Variants in LRP2 observed in about 807,000 individuals in gnomAD.
LRP2 encodes low-density lipoprotein receptor-related protein 2.
A neutral mutation model predicts 531.0 loss-of-function variants in LRP2; 172 were observed. That is an observed-to-expected ratio of 0.32 (90% CI 0.29 to 0.37). LRP2 has a LOEUF of 0.37. Ranked by LOEUF, LRP2 falls within the 10% of genes least tolerant of loss-of-function variation. The pLI is 1.00. For synonymous variants in LRP2, 1,992 were observed against 2,027.6 expected (o/e 0.98, Z 0.47); for missense variants, 5,167 against 5,868.3 (o/e 0.88, Z 3.90).
intron 9 of LRP2, among the ~76,000 whole-genome samples, chr2:169,283,531 T>C (rs1024211165): frequency 2.0e-5 from 3 of 152,218 alleles, no homozygotes; most frequent in South Asian, 2.1e-4. Flanking sequence ...GAAAGTTCTA[T>C]TGGACAGCAC....
intron 1 of LRP2, among the ~76,000 whole-genome samples, chr2:169,347,216 G>C (rs1320129682): frequency 6.6e-6 from 1 of 152,140 alleles, no homozygotes; most frequent in Non-Finnish European, 1.5e-5. Flanking sequence ...ATTGTAATAG[G>C]AGTTTCAGGA....
intron 1 of LRP2, among the ~76,000 whole-genome samples, chr2:169,335,971 T>C (rs1183657031): frequency 6.8e-6 from 1 of 147,268 alleles, no homozygotes; most frequent in African/African-American, 2.5e-5. Flanking sequence ...GCCAAGATAG[T>C]GCCATTGCAC....
At chr2:169,311,771 C>T (rs1412357549) in intron 3 of LRP2, among the ~76,000 whole-genome samples, 2 of 152,086 alleles carry the variant, frequency 1.3e-5, no homozygotes, top group African/African-American at 4.8e-5. Context: ...CTTTCTGTCT[C>T]GTGGATCTGT....
intron 50 of LRP2, among the ~76,000 whole-genome samples, chr2:169,183,354 T>C (rs1339562378): frequency 6.6e-6 from 1 of 152,192 alleles, no homozygotes; most frequent in African/African-American, 2.4e-5. Context: ...TAAATCCTGA[T>C]GAATGAGATG....
In LRP2 at chr2:169,128,997, A is replaced by G; in HGVS notation, c.13800+16T>C. On this transcript the variant is annotated intron_variant, in intron 78 of 78. Coordinates refer to ENST00000649046, the MANE Select transcript of LRP2 (RefSeq NM_004525.3). The stretch of plus-strand genomic sequence containing the variant: ...AAGAAAAAATGTCTGTGCTAAGAAA[A>G]ATTGTTAAAAATTACCTGTGCATAG... 6.3e-7 allele frequency: 1 copy of G among 1,597,190 alleles called. No homozygotes were observed. Among genetic ancestry groups the G allele is most frequent in the Non-Finnish European group, 8.6e-7 (1 of 1,164,620 alleles).
intron 5 of LRP2, 75 bp from the exon 6 acceptor site, chr2:169,294,336 A>G: frequency 1.1e-6 from 1 of 915,374 alleles, no homozygotes; most frequent in East Asian, 2.4e-5. Flanking sequence ...TCAAAGGAAG[A>G]GCATCTCCAG....
In LRP2 at chr2:169,192,014, A is replaced by G; in HGVS notation, c.8850T>C (p.Asp2950=). The part of the protein sequence containing the change: ...RHQCQNQNCS[D]SEFLCVNDRP... ...TGTCATTTACACAGAGAAACTCGGA[A>G]TCCGAGCAGTTTTGATTCTCTGAAA... The change falls in exon 48 of 79, where the codon GAT becomes GAC. Residue 2950 remains aspartate (D), a synonymous_variant. Coordinates refer to ENST00000649046, the MANE Select transcript of LRP2 (RefSeq NM_004525.3). The G allele has an allele frequency of 1.2e-6, 2 of 1,612,840 alleles. No homozygotes were observed. The highest frequency in any genetic ancestry group is 8.5e-7 in the Non-Finnish European group (1 of 1,178,836).
At chr2:169,332,629 G>A (rs773653523) in intron 1 of LRP2, among the ~76,000 whole-genome samples, 25 of 151,926 alleles carry the variant, frequency 1.6e-4, no homozygotes, top group Admixed American at 7.2e-4. Context: ...TTGCTAAGTG[G>A]GTTTATAAGT....
intron 66 of LRP2, 130 bp from the exon 67 acceptor site, chr2:169,153,094 T>A: frequency 1.2e-6 from 1 of 843,584 alleles, no homozygotes; most frequent in Non-Finnish European, 2.0e-6. Flanking sequence ...TGTTATAATA[T>A]GAATAATTCA....
At chr2:169,231,668 T>G (rs759451297) in intron 31 of LRP2, 46 bp downstream of exon 31, 2 of 1,612,200 alleles carry the variant, frequency 1.2e-6, no homozygotes, top group South Asian at 1.1e-5. Flanking sequence ...TGGCACAAAC[T>G]ATGACCAGCT....
chr2:169,224,516 CT>C (rs1689130460), intron 33 of LRP2, among the ~76,000 whole-genome samples: 1 of 152,164 alleles, frequency 6.6e-6, no homozygotes, highest in South Asian at 2.1e-4. Flanking sequence ...TTCTGTTTTG[CT>C]GTTAGAAAAA....
Position 169,220,511 on chromosome 2 carries a change from T to C in LRP2, c.5591A>G (p.Asp1864Gly), listed in dbSNP as rs1688952784. Residue 1864 changes from aspartate (D) to glycine (G), a missense_variant, in exon 34 of 79, where the codon GAT becomes GGT. This residue lies in a region of LRP2 where 2,811 missense variants were observed against 3,058.0 expected (regional missense o/e 0.92). Coordinates refer to ENST00000649046, the MANE Select transcript of LRP2 (RefSeq NM_004525.3). ...AAAGCCAACTCCAAGAGCTGTCCCA[T>C]CATTGGCAATCAATGTTTTTCTGTA... The part of the protein sequence containing the change: ...IRYRKTLIAN[D>G]GTALGVGFPI... 6.2e-7 allele frequency: 1 copy of C among 1,613,602 alleles called. No individual in the cohort carries two copies. Among genetic ancestry groups the C allele is most frequent in the Non-Finnish European group, 8.5e-7 (1 of 1,179,682 alleles).
chr2:169,199,727 A>C (rs1015738647), intron 44 of LRP2, among the ~76,000 whole-genome samples: 30 of 152,238 alleles, frequency 2.0e-4, no homozygotes, highest in African/African-American at 7.2e-4. Flanking sequence ...CTCTAGTGGG[A>C]CATAATCTAA....
intron 31 of LRP2, among the ~76,000 whole-genome samples, chr2:169,230,293 G>C (rs1452072714): frequency 1.3e-5 from 2 of 152,224 alleles, no homozygotes; most frequent in African/African-American, 4.8e-5. Flanking sequence ...TGTCAACGAG[G>C]ATTAGGTACA....
At chr2:169,306,505 C>T (rs755707670) in intron 4 of LRP2, among the ~76,000 whole-genome samples, 3 of 152,066 alleles carry the variant, frequency 2.0e-5, no homozygotes, top group Non-Finnish European at 4.4e-5. Context: ...TCACACTCAG[C>T]CTGGGCAACA....
chr2:169,245,675 T>C (rs1689979207), intron 21 of LRP2, among the ~76,000 whole-genome samples: 1 of 152,170 alleles, frequency 6.6e-6, no homozygotes, highest in South Asian at 2.1e-4. Flanking sequence ...ATAGACTAGA[T>C]TACCGTCAAA....
At chr2:169,212,686 C>T (rs1007905519) in intron 36 of LRP2, among the ~76,000 whole-genome samples, 3 of 150,940 alleles carry the variant, frequency 2.0e-5, no homozygotes, top group African/African-American at 4.9e-5. Flanking sequence ...AACCAAACAT[C>T]GCATGTTCTC....
intron 77 of LRP2, among the ~76,000 whole-genome samples, chr2:169,129,677 C>G (rs1427294328): frequency 6.6e-6 from 1 of 152,142 alleles, no homozygotes; most frequent in Admixed American, 6.5e-5. Context: ...GGTAGGTACA[C>G]TTATTATCCT....
intron 36 of LRP2, 61 bp downstream of exon 36, chr2:169,213,596 G>A (rs1177137085): frequency 1.5e-6 from 2 of 1,320,018 alleles, no homozygotes; most frequent in African/African-American, 2.9e-5. Context: ...GCTTACAAAT[G>A]TGAGTTATGT....
Sources: gnomAD v4.1 joint callset for allele counts (sites outside exome capture counted in the v4.1 genomes callset) on GRCh38, gnomAD v4.1.1 for gene constraint, gnomAD v4.1.1 regional missense constraint, MANE v1.5 for transcripts, NCBI Gene and HGNC (gene_info 2026-07-23, HGNC 2026-07-21) for gene names.